AK5: variants seen among roughly 807,000 people sequenced by gnomAD.
The protein encoded by AK5 is adenylate kinase isoenzyme 5.
AK5 carries 27 observed loss-of-function variants against 69.5 expected under a neutral mutation model. The observed-to-expected ratio is 0.39, with a 90% CI of 0.29 to 0.54. AK5 has a LOEUF of 0.54. Ranked by LOEUF, AK5 falls within the 20% of genes least tolerant of loss-of-function variation. The pLI is 0.71. For missense variants in AK5, 531 were observed against 700.4 expected, an observed-to-expected ratio of 0.76 and a Z score of 2.73; for synonymous variants, 260 against 244.4, an observed-to-expected ratio of 1.06 and a Z score of -0.60.
In AK5 at chr1:77,416,916, G is replaced by GT. The variant is rs555454580; in HGVS notation, c.983-721dup. Among the ~76,000 whole-genome samples, 880 of 152,232 alleles carry GT rather than the reference G, an allele frequency of 5.8e-3. 7 individuals carry two copies. The highest frequency in any genetic ancestry group is 0.02 in the African/African-American group (824 of 41,524). On this transcript the variant is annotated intron_variant, in intron 7 of 13. Coordinates refer to ENST00000354567, the MANE Select transcript of AK5 (RefSeq NM_174858.3). ...GATATATATTTCCTAGCAGGAAAGAGTTATTAAATGAGAATGATGAATCAG... is the reference window on the plus strand; with the variant it reads ...GATATATATTTCCTAGCAGGAAAGAGTTTATTAAATGAGAATGATGAATCAG...
At chr1:77,300,326 C>T (rs1310858079) in intron 5 of AK5, among the ~76,000 whole-genome samples, 2 of 152,168 alleles carry the variant, frequency 1.3e-5, no homozygotes, top group Non-Finnish European at 2.9e-5. Context: ...TGTTTTCAAC[C>T]ACACTTCTGA....
chr1:77,539,730 C>T (rs1046052764), intron 13 of AK5, among the ~76,000 whole-genome samples: 2 of 152,164 alleles, frequency 1.3e-5, no homozygotes, highest in African/African-American at 4.8e-5. Context: ...TTGCCCAGTC[C>T]TCCTGCATCA....
intron 8 of AK5, among the ~76,000 whole-genome samples, chr1:77,468,222 T>A (rs1312394261): frequency 6.6e-6 from 1 of 152,246 alleles, no homozygotes. Context: ...TGCTTCTTTT[T>A]CCCTGTACTC....
chr1:77,316,149 C>G (rs1239363536), intron 5 of AK5, among the ~76,000 whole-genome samples: 2 of 152,090 alleles, frequency 1.3e-5, no homozygotes, highest in African/African-American at 4.8e-5. Context: ...CTAAATGCCA[C>G]TCTTACTCAG....
At chr1:77,303,193 G>C (rs546201858) in intron 5 of AK5, among the ~76,000 whole-genome samples, 1 of 152,144 alleles carries the variant, frequency 6.6e-6, no homozygotes, top group African/African-American at 2.4e-5. Flanking sequence ...GCAGAGATGC[G>C]GGGTTTTTTC....
chr1:77,382,626 A>G (rs562590924), intron 6 of AK5, among the ~76,000 whole-genome samples: 2 of 152,318 alleles, frequency 1.3e-5, no homozygotes, highest in South Asian at 2.1e-4. Context: ...TTGATATTAC[A>G]GGCATAAGCC....
intron 13 of AK5, among the ~76,000 whole-genome samples, chr1:77,555,367 C>A (rs1388987380): frequency 6.6e-6 from 1 of 152,202 alleles, no homozygotes; most frequent in Non-Finnish European, 1.5e-5. Context: ...CATAGCCTAG[C>A]CTGTCCCTAC....
At chr1:77,461,687 T>C (rs866924211) in intron 8 of AK5, among the ~76,000 whole-genome samples, 32 of 151,754 alleles carry the variant, frequency 2.1e-4, no homozygotes, top group African/African-American at 7.7e-4. Context: ...GGAGAATTGC[T>C]TGAACCCGGG....
intron 8 of AK5, among the ~76,000 whole-genome samples, chr1:77,474,041 C>G (rs887765330): frequency 6.6e-6 from 1 of 152,132 alleles, no homozygotes; most frequent in Non-Finnish European, 1.5e-5. Context: ...GCTGGACAAA[C>G]AATAAGCAGG....
chr1:77,353,433 G>A lies in AK5; in HGVS notation c.891+12865G>A, dbSNP rs114177737. On this transcript the variant is annotated intron_variant, in intron 6 of 13. Transcript: ENST00000354567. ...GCGGATGTTGCAGTGAGCCAAAATC[G>A]TGCCACTGTACTCCAGCCAGGGCGG... Among the ~76,000 whole-genome samples the A allele has an allele frequency of 7.4e-3, 1,127 of 152,180 alleles. 29 individuals carry two copies. Among genetic ancestry groups the A allele is most frequent in the Admixed American group, 0.041 (621 of 15,290 alleles).
rs548420803 is a variant in AK5 at position 77,475,042 on chromosome 1, A to G, written c.1060-8275A>G. On this transcript the variant is annotated intron_variant, in intron 8 of 13. Coordinates refer to ENST00000354567, the MANE Select transcript of AK5 (RefSeq NM_174858.3). Reference sequence around the variant, plus strand: ...GATCTTGAAGTCCTGGCTTCAAACAATCCTCCCACCTCAGCCTCCCAAAGT... The same window carrying G: ...GATCTTGAAGTCCTGGCTTCAAACAGTCCTCCCACCTCAGCCTCCCAAAGT... Among the ~76,000 whole-genome samples, 73 of 151,718 alleles carry G rather than the reference A, an allele frequency of 4.8e-4. 1 individual carries two copies. Among genetic ancestry groups the G allele is most frequent in the African/African-American group, 1.7e-3 (69 of 41,360 alleles).
chr1:77,548,126 T>G lies in AK5; in HGVS notation c.1621-10476T>G, dbSNP rs144077246. ...AAGGAAAAACAGTTACTTAAAACGT[T>G]TAAGTGGACAGACTGCACGTACTAT... On this transcript the variant is annotated intron_variant, in intron 13 of 13. Transcript: ENST00000354567. 9.8e-4 allele frequency among the ~76,000 whole-genome samples: 150 copies of G among 152,298 alleles called. 1 individual carries two copies. The highest frequency in any genetic ancestry group is 1.8e-3 in the Non-Finnish European group (122 of 68,028).
At chr1:77,523,856 G>C (rs1658130911) in intron 12 of AK5, among the ~76,000 whole-genome samples, 1 of 151,822 alleles carries the variant, frequency 6.6e-6, no homozygotes, top group South Asian at 2.1e-4. Flanking sequence ...GTAGAGATGG[G>C]GATCTCACTC....
intron 10 of AK5, among the ~76,000 whole-genome samples, chr1:77,504,438 TA>T (rs2100271104): frequency 1.4e-5 from 1 of 71,624 alleles, no homozygotes; most frequent in East Asian, 3.5e-4. Flanking sequence ...TGTGTATATA[TA>T]TATTTTTTTT....
chr1:77,316,032 T>C (rs1398238938), intron 5 of AK5, among the ~76,000 whole-genome samples: 1 of 152,174 alleles, frequency 6.6e-6, no homozygotes, highest in East Asian at 1.9e-4. Flanking sequence ...TGAAGTATGC[T>C]GTTTATAAAA....
chr1:77,308,981 A>G (rs1659794456), intron 5 of AK5, among the ~76,000 whole-genome samples: 1 of 151,634 alleles, frequency 6.6e-6, no homozygotes, highest in Non-Finnish European at 1.5e-5. Flanking sequence ...AAAAAAAAAG[A>G]CAACCGAGCA....
intron 12 of AK5, among the ~76,000 whole-genome samples, chr1:77,533,879 C>T (rs752243484): frequency 6.6e-6 from 1 of 152,018 alleles, no homozygotes; most frequent in Non-Finnish European, 1.5e-5. Flanking sequence ...CAAGCTCGCC[C>T]TCTGCTGGTG....
chr1:77,447,546 G>A (rs1652828995), intron 8 of AK5, among the ~76,000 whole-genome samples: 1 of 150,846 alleles, frequency 6.6e-6, no homozygotes, highest in South Asian at 2.1e-4. Flanking sequence ...AGTAGAGACT[G>A]TTTTCTTTTA....
intron 13 of AK5, 24 bp from the exon 14 acceptor site, chr1:77,558,578 C>A: frequency 7.1e-7 from 1 of 1,402,570 alleles, no homozygotes; most frequent in Non-Finnish European, 1.0e-6. Context: ...CAGACTAACT[C>A]TCTTTTTTTC....
Sources: allele counts gnomAD v4.1 joint callset (sites outside exome capture counted in the v4.1 genomes callset), GRCh38; gene constraint gnomAD v4.1.1; transcripts MANE v1.5; gene names NCBI Gene and HGNC (gene_info 2026-07-23, HGNC 2026-07-21).